MGA: variants seen among roughly 807,000 people sequenced by gnomAD.
MGA encodes MAX gene-associated protein.
MGA carries 40 observed loss-of-function variants against 261.1 expected under a neutral mutation model. The ratio of observed to expected loss-of-function variants is 0.15; its 90% CI spans 0.12 to 0.20. The LOEUF (loss-of-function observed/expected upper bound fraction) is 0.20, where lower values mean the gene tolerates loss of function less well. Ranked by LOEUF, MGA falls within the 10% of genes least tolerant of loss-of-function variation. The probability of loss-of-function intolerance (pLI) is 1.00; values close to 1 mark genes in which losing one functional copy is unlikely to be tolerated. For missense variants in MGA, 3,397 were observed against 3,630.5 expected, an observed-to-expected ratio of 0.94 and a Z score of 1.65; for synonymous variants, 1,302 against 1,290.6, an observed-to-expected ratio of 1.01 and a Z score of -0.19.
intron 2 of MGA, among the ~76,000 whole-genome samples, chr15:41,681,307 C>T (rs746662831): frequency 2.6e-5 from 4 of 151,502 alleles, no homozygotes; most frequent in Non-Finnish European, 5.9e-5. Flanking sequence ...AAATAATTAT[C>T]AATTTTACAT....
chr15:41,649,079 G>A (rs1225504090), intron 1 of MGA, among the ~76,000 whole-genome samples: 1 of 152,052 alleles, frequency 6.6e-6, no homozygotes, highest in Non-Finnish European at 1.5e-5. Flanking sequence ...AGGGTACAAT[G>A]TAGAGGTTAA....
In MGA at chr15:41,742,722, C is replaced by A. The variant is rs368677841; in HGVS notation, c.4762C>A (p.Gln1588Lys). 11 of 1,614,016 alleles carry A rather than the reference C, an allele frequency of 6.8e-6. No homozygotes were observed. The highest frequency in any genetic ancestry group is 9.3e-6 in the Non-Finnish European group (11 of 1,179,892). ...ACCTGTGGTTTCTTCTGAGCCAGTT[C>A]AGGTGTGCAGCCCTGTGACTGCTGC... Residue 1588 changes from glutamine (Q) to lysine (K), a missense_variant, in exon 15 of 24, where the codon CAG (glutamine) becomes AAG (lysine). Gln to Lys is a moderately conservative substitution (Grantham distance 53). This residue lies in a region of MGA where 1,410 missense variants were observed against 1,386.4 expected (regional missense o/e 1.02). Coordinates refer to ENST00000219905, the MANE Select transcript of MGA (RefSeq NM_001164273.2).
At position 41,710,922 on chromosome 15, in the gene MGA, T is replaced by G. The variant is rs1030116484; in HGVS notation, c.2657T>G (p.Leu886Trp). Residue 886 changes from leucine to tryptophan, a missense_variant, in exon 8 of 24, where the codon TTG becomes TGG. By Grantham distance (61) the Leu-to-Trp change is moderately conservative (BLOSUM62 -2). Around this residue, in one of 9 missense-constraint regions of MGA, gnomAD observed 519 missense variants for 554.1 expected, o/e 0.94. Coordinates refer to ENST00000219905, the MANE Select transcript of MGA (RefSeq NM_001164273.2). ...ATTTCCCCTTCTACCTCTTATTCTT[T>G]GAAACCTCATTCTGTACCCCCTGTC... The G allele has an allele frequency of 2.5e-6, 4 of 1,613,880 alleles. No homozygotes were observed. The African/African-American group carries it at 5.3e-5, about 22-fold the overall frequency.
Position 41,696,036 on chromosome 15 carries a change from T to C in MGA, c.1065-39T>C, listed in dbSNP as rs761499627. ...TCTTCAAGTCTTGTTAATGGATCAT[T>C]TTGTACTTTTAAAATCCCTTTCTCC... On this transcript the variant is annotated intron_variant, in intron 2 of 23. Transcript: ENST00000219905. The C allele has an allele frequency of 6.3e-6, 9 of 1,426,294 alleles. No homozygotes were observed. In the South Asian group the frequency reaches 1.2e-4, roughly 19 times the overall value. 88.4% of individuals were successfully genotyped at this position (1,426,294 alleles called of 1,614,324 possible). A position where few individuals can be genotyped will look rare whatever the true frequency, so the allele number is the denominator to read the frequency against.
At chr15:41,628,214 AT>A (rs2056502881) in intron 1 of MGA, among the ~76,000 whole-genome samples, 1 of 152,012 alleles carries the variant, frequency 6.6e-6, no homozygotes, top group Admixed American at 6.6e-5. Context: ...CTACTAAAAA[AT>A]ACAAAAAATT....
chr15:41,636,356 A>G (rs1023900462), intron 1 of MGA, among the ~76,000 whole-genome samples: 1 of 151,138 alleles, frequency 6.6e-6, no homozygotes, highest in Admixed American at 6.6e-5. Flanking sequence ...GCAGTGGCAC[A>G]GTCTCGACTC....
intron 1 of MGA, among the ~76,000 whole-genome samples, chr15:41,622,952 A>C (rs995388217): frequency 1.3e-5 from 2 of 152,254 alleles, no homozygotes; most frequent in Non-Finnish European, 1.5e-5. Flanking sequence ...TTTATTGAGC[A>C]ATCATAATAG....
rs369802578 is a variant in MGA at position 41,673,763 on chromosome 15, G to A, written c.1064+3805G>A. On this transcript the variant is annotated intron_variant, in intron 2 of 23. Coordinates refer to ENST00000219905, the MANE Select transcript of MGA (RefSeq NM_001164273.2). ...TCACCATGTTGGTCAGACTGGTCTC[G>A]AACTCATGACCTCAGGTGATCCACC... is the stretch of plus-strand genomic sequence containing the variant. Among the ~76,000 whole-genome samples, 381 of 151,534 alleles carry A rather than the reference G, an allele frequency of 2.5e-3. 1 individual carries two copies. Among genetic ancestry groups the A allele is most frequent in the Middle Eastern group, 0.02 (6 of 294 alleles).
rs78232985 is a variant in MGA at position 41,743,290 on chromosome 15, A to G, written c.5212+118A>G. 3.2e-3 allele frequency: 3,979 copies of G among 1,242,688 alleles called. 112 individuals are homozygous for G. In the East Asian group the frequency reaches 0.073, roughly 23 times the overall value. The allele number at this position is 1,242,688 out of a possible 1,614,324, so 77.0% of individuals were successfully genotyped here. On this transcript the variant is annotated intron_variant, in intron 15 of 23. Transcript: ENST00000219905. The stretch of plus-strand genomic sequence containing the variant: ...ACAGTATAGGTATTTCTGTTGTAAC[A>G]TGATACATGTATTCCTGAAAACCTC...
At chr15:41,652,031 T>C (rs1411937502) in intron 1 of MGA, among the ~76,000 whole-genome samples, 3 of 118,118 alleles carry the variant, frequency 2.5e-5, no homozygotes, top group Admixed American at 9.9e-5. Context: ...CAGTGTGCGA[T>C]GTTGGCTCAC....
intron 9 of MGA, among the ~76,000 whole-genome samples, chr15:41,718,023 A>T (rs887294278): frequency 7.9e-5 from 12 of 151,882 alleles, no homozygotes; most frequent in African/African-American, 2.7e-4. Context: ...TCAAAAAAAA[A>T]AAAAAAATTA....
chr15:41,756,982 T>G (rs960546337), intron 18 of MGA, among the ~76,000 whole-genome samples: 2 of 151,108 alleles, frequency 1.3e-5, no homozygotes, highest in Admixed American at 6.6e-5. Context: ...TTTGTTTAGA[T>G]ATATATATAT....
In MGA at chr15:41,764,891, A is replaced by G; in HGVS notation, c.7750A>G (p.Thr2584Ala). 1 of 1,613,904 alleles carries G rather than the reference A, an allele frequency of 6.2e-7. No homozygotes were observed. Among genetic ancestry groups the G allele is most frequent in the East Asian group, 2.2e-5 (1 of 44,886 alleles). Residue 2584 changes from threonine to alanine, a missense_variant, in exon 23 of 24, where the codon ACC (threonine) becomes GCC (alanine). Physicochemically the swap from Thr to Ala is moderately conservative, Grantham distance 58. This residue lies in a region of MGA where 647 missense variants were observed against 642.4 expected (regional missense o/e 1.01). Coordinates refer to ENST00000219905, the MANE Select transcript of MGA (RefSeq NM_001164273.2). ...ATTTCTGATCTTTCTTACAGAAAAT[A>G]CCTCACCCTTGAACACTCCACACAC... is the stretch of plus-strand genomic sequence containing the variant.
At chr15:41,668,805 G>GT (rs1045614257) in intron 1 of MGA, 23 bp from the exon 2 acceptor site, 1,664 of 1,009,746 alleles carry the variant, frequency 1.6e-3, no homozygotes, top group East Asian at 5.2e-3. Flanking sequence ...TTTGTTTTTG[G>GT]TTTTTTTTTG....
intron 1 of MGA, among the ~76,000 whole-genome samples, chr15:41,651,387 A>G (rs1182324113): frequency 6.6e-6 from 1 of 152,122 alleles, no homozygotes; most frequent in Non-Finnish European, 1.5e-5. Flanking sequence ...CAAATTCTGG[A>G]TAATTTATTG....
intron 1 of MGA, among the ~76,000 whole-genome samples, chr15:41,645,848 A>G (rs115007469): frequency 0.013 from 2,034 of 152,288 alleles, 53 homozygotes; most frequent in African/African-American, 0.046. Flanking sequence ...TACTTTGACA[A>G]TACTTGTGGT....
At position 41,745,445 on chromosome 15, in the gene MGA, CTG is replaced by C. The variant is rs2062402702; in HGVS notation, c.5212+2275_5212+2276del. Among the ~76,000 whole-genome samples, 3 of 151,172 alleles carry C rather than the reference CTG, an allele frequency of 2.0e-5. No individual in the cohort carries two copies. In the South Asian group the frequency reaches 6.2e-4, roughly 31 times the overall value. ...TATATATTCTGAGCACATGGCTTTG[CTG>C]TCTTTTTTTTTAAAGAAGAAAGCTA... On this transcript the variant is annotated intron_variant, in intron 15 of 23. Coordinates refer to ENST00000219905, the MANE Select transcript of MGA (RefSeq NM_001164273.2).
At chr15:41,722,764 GTCT>G (rs2061021539) in intron 9 of MGA, among the ~76,000 whole-genome samples, 4 of 152,276 alleles carry the variant, frequency 2.6e-5, no homozygotes, top group African/African-American at 7.2e-5. Context: ...GTTCTTGTAG[GTCT>G]TCTAAGTGTA....
In MGA at chr15:41,700,372, T is replaced by C. The variant is rs147377253; in HGVS notation, c.2188+1213T>C. On this transcript the variant is annotated intron_variant, in intron 5 of 23. Coordinates refer to ENST00000219905, the MANE Select transcript of MGA (RefSeq NM_001164273.2). ...TGTCATCTAGGTTTTAAGCCCTGCA[T>C]GCATTAGGTGTTTGTCCTAATGCTC... Among the ~76,000 whole-genome samples the C allele has an allele frequency of 4.5e-3, 688 of 152,248 alleles. 5 individuals are homozygous for C. Among genetic ancestry groups the C allele is most frequent in the African/African-American group, 0.016 (657 of 41,560 alleles).
Sources: allele counts gnomAD v4.1 joint callset (sites outside exome capture counted in the v4.1 genomes callset), GRCh38; gene constraint gnomAD v4.1.1; regional missense constraint gnomAD v4.1.1; transcripts MANE v1.5; gene names NCBI Gene and HGNC (gene_info 2026-07-23, HGNC 2026-07-21).